Variants in HSD17B3 observed in about 807,000 individuals in gnomAD.
HSD17B3 encodes 17-beta-hydroxysteroid dehydrogenase type 3.
HSD17B3 carries 29 observed loss-of-function variants against 41.1 expected under a neutral mutation model. The observed-to-expected ratio is 0.71, with a 90% CI of 0.53 to 0.96. The LOEUF (loss-of-function observed/expected upper bound fraction) is 0.96, where lower values mean the gene tolerates loss of function less well. Among genes scored for constraint, HSD17B3 ranks in the 40% least tolerant of loss-of-function variants. The pLI is 0.00. For synonymous variants in HSD17B3, 126 were observed against 145.6 expected (o/e 0.87, Z 0.97); for missense variants, 323 against 374.6 (o/e 0.86, Z 1.14).
intron 2 of HSD17B3, among the ~76,000 whole-genome samples, chr9:96,284,899 C>T (rs150455337): frequency 2.4e-4 from 36 of 149,524 alleles, no homozygotes; most frequent in Non-Finnish European, 2.8e-4. Context: ...AGTGCAGTGG[C>T]GTGATCCCAG....
chr9:96,243,270 G>A (rs889158488), intron 9 of HSD17B3, among the ~76,000 whole-genome samples: 4 of 152,222 alleles, frequency 2.6e-5, no homozygotes, highest in Middle Eastern at 3.2e-3. Flanking sequence ...GTGGGAGCAC[G>A]GAGACCCCAG....
chr9:96,252,326 C>T (rs112655409), intron 4 of HSD17B3, among the ~76,000 whole-genome samples: 3 of 151,936 alleles, frequency 2.0e-5, no homozygotes, highest in African/African-American at 7.3e-5. Flanking sequence ...AGGTGGATCA[C>T]GAGGTCAGGA....
intron 6 of HSD17B3, among the ~76,000 whole-genome samples, chr9:96,249,067 G>A (rs1158608437): frequency 2.6e-5 from 4 of 151,958 alleles, no homozygotes; most frequent in East Asian, 1.9e-4. Context: ...CACCATGCCC[G>A]GCTAATTTTT....
At chr9:96,241,997 G>GAAAGAAAGAAAGAAAA (rs1836470450) in intron 9 of HSD17B3, among the ~76,000 whole-genome samples, 1 of 128,686 alleles carries the variant, frequency 7.8e-6, no homozygotes, top group African/African-American at 3.0e-5. Flanking sequence ...AAGAAAGAAA[G>GAAAGAAAGAAAGAAAA]AAAGAAAGAG....
chr9:96,276,966 C>T (rs1033427796), intron 2 of HSD17B3, among the ~76,000 whole-genome samples: 2 of 152,158 alleles, frequency 1.3e-5, no homozygotes, highest in African/African-American at 4.8e-5. Flanking sequence ...CTTTGGGAGG[C>T]TGAGGTGGGT....
intron 2 of HSD17B3, among the ~76,000 whole-genome samples, chr9:96,281,872 CTT>C (rs1331956017): frequency 6.6e-6 from 1 of 152,192 alleles, no homozygotes; most frequent in Non-Finnish European, 1.5e-5. Context: ...TCAGGCAATG[CTT>C]TCCTTTCTGT....
chr9:96,301,362 A>G (rs1015798127), intron 1 of HSD17B3, among the ~76,000 whole-genome samples: 1 of 149,822 alleles, frequency 6.7e-6, no homozygotes, highest in African/African-American at 2.5e-5. Context: ...GTGAATCACA[A>G]GGTCAAGAGT....
chr9:96,300,209 G>GACACGGACAC (rs1554705286), intron 1 of HSD17B3, among the ~76,000 whole-genome samples: 1 of 116,310 alleles, frequency 8.6e-6, no homozygotes, highest in Admixed American at 9.8e-5. Context: ...ACCCCAAGAG[G>GACACGGACAC]ACACACACAC....
chr9:96,246,707 G>T, intron 6 of HSD17B3, 117 bp from the exon 7 acceptor site: 1 of 903,638 alleles, frequency 1.1e-6, no homozygotes, highest in South Asian at 1.4e-5. Flanking sequence ...CATCTTCTCA[G>T]ACGGCCTTGA....
At chr9:96,276,145 G>A (rs10820205) in intron 2 of HSD17B3, among the ~76,000 whole-genome samples, 70,771 of 131,132 alleles carry the variant, frequency 0.54, 18,497 homozygotes, top group East Asian at 0.69. Context: ...GAAGAAAGAA[G>A]ACAATTCGAT....
At chr9:96,290,238 C>A (rs1041070782) in intron 2 of HSD17B3, among the ~76,000 whole-genome samples, 2 of 152,222 alleles carry the variant, frequency 1.3e-5, no homozygotes, top group African/African-American at 4.8e-5. Context: ...CAAAGCCTCT[C>A]CTGCCACTCT....
intron 2 of HSD17B3, among the ~76,000 whole-genome samples, chr9:96,292,262 G>C (rs769506431): frequency 6.6e-6 from 1 of 152,100 alleles, no homozygotes; most frequent in Non-Finnish European, 1.5e-5. Context: ...ACTATAAAAA[G>C]GTCTAATATT....
chr9:96,263,372 AAC>A (rs906583837), intron 2 of HSD17B3, among the ~76,000 whole-genome samples: 7 of 152,214 alleles, frequency 4.6e-5, no homozygotes, highest in African/African-American at 1.7e-4. Context: ...GTAATTGAGC[AAC>A]AAATTTGATT....
In HSD17B3 at chr9:96,254,879, GCAATGGCCT is replaced by G; in HGVS notation, c.257_265del (p.Glu86_Ile88del). On this transcript the variant is annotated inframe_deletion, in exon 3 of 11. Transcript: ENST00000375263. The stretch of plus-strand genomic sequence containing the variant: ...GGGGGGTCACTCACCGATCTCTGTG[GCAATGGCCT>G]CTAGTTTTTCCAGCGTCCGGCTAAT... 6.2e-7 allele frequency: 1 copy of G among 1,613,938 alleles called. No homozygotes were observed. The highest frequency in any genetic ancestry group is 8.5e-7 in the Non-Finnish European group (1 of 1,179,860).
At chr9:96,300,566 A>G (rs1827557546) in intron 1 of HSD17B3, among the ~76,000 whole-genome samples, 1 of 145,970 alleles carries the variant, frequency 6.9e-6, no homozygotes, top group African/African-American at 2.5e-5. Context: ...TGCCTAGATA[A>G]TATCTCTAAA....
chr9:96,289,585 CA>C (rs1352626061), intron 2 of HSD17B3, among the ~76,000 whole-genome samples: 2 of 152,120 alleles, frequency 1.3e-5, no homozygotes, highest in Non-Finnish European at 2.9e-5. Flanking sequence ...GGAGATTGCC[CA>C]ATAAATGAAA....
At chr9:96,249,639 G>A in intron 6 of HSD17B3, 112 bp downstream of exon 6, 1 of 933,174 alleles carries the variant, frequency 1.1e-6, no homozygotes, top group Non-Finnish European at 1.7e-6. Flanking sequence ...AACTAAGTGT[G>A]GTTCGATTTC....
chr9:96,249,838 C>T, intron 5 of HSD17B3, 52 bp from the exon 6 acceptor site: 1 of 1,613,606 alleles, frequency 6.2e-7, no homozygotes, highest in East Asian at 2.2e-5. Flanking sequence ...GAGAAATTCT[C>T]CTGGAAAGTA....
intron 2 of HSD17B3, among the ~76,000 whole-genome samples, chr9:96,263,554 A>G (rs138459678): frequency 6.9e-4 from 1 of 1,440 alleles, no homozygotes; most frequent in Admixed American, 3.9e-3. Flanking sequence ...CGTCTCTACT[A>G]AAAAAAAAAA....
Sources: allele counts gnomAD v4.1 joint callset (sites outside exome capture counted in the v4.1 genomes callset), GRCh38; gene constraint gnomAD v4.1.1; transcripts MANE v1.5; gene names NCBI Gene and HGNC (gene_info 2026-07-23, HGNC 2026-07-21).